The following PSD3 variants were observed in gnomAD, a reference collection of about 807,000 sequenced individuals.
The protein encoded by PSD3 is PH and SEC7 domain-containing protein 3.
PSD3 carries 49 observed loss-of-function variants against 105.5 expected under a neutral mutation model. That is an observed-to-expected ratio of 0.46 (90% confidence interval 0.37 to 0.59). The LOEUF (loss-of-function observed/expected upper bound fraction) is 0.59. Among genes scored for constraint, PSD3 ranks in the 20% least tolerant of loss-of-function variants. The probability of loss-of-function intolerance (pLI) is 0.00; values close to 1 mark genes in which losing one functional copy is unlikely to be tolerated. For synonymous variants in PSD3, 557 were observed against 457.8 expected, an observed-to-expected ratio of 1.22 and a Z score of -2.77; for missense variants, 1,561 against 1,263.8, an observed-to-expected ratio of 1.24 and a Z score of -3.57.
intron 4 of PSD3, among the ~76,000 whole-genome samples, chr8:18,825,854 C>T (rs757810716): frequency 1.3e-5 from 2 of 152,122 alleles, no homozygotes; most frequent in Admixed American, 6.5e-5. Flanking sequence ...CAAGTTCTTC[C>T]GTATTTCCCC....
chr8:18,830,532 C>T (rs1193514068), intron 4 of PSD3, among the ~76,000 whole-genome samples: 1 of 152,170 alleles, frequency 6.6e-6, no homozygotes, highest in Non-Finnish European at 1.5e-5. Flanking sequence ...AAAAGAACAA[C>T]AGAAATTATC....
At chr8:18,875,134 G>C (rs1817646780) in intron 2 of PSD3, among the ~76,000 whole-genome samples, 1 of 152,094 alleles carries the variant, frequency 6.6e-6, no homozygotes, top group Non-Finnish European at 1.5e-5. Flanking sequence ...GCCCAGGCTG[G>C]TTTCAAACTC....
intron 9 of PSD3, among the ~76,000 whole-genome samples, chr8:18,680,786 A>G (rs958007024): frequency 2.0e-5 from 3 of 152,242 alleles, no homozygotes; most frequent in African/African-American, 7.2e-5. Flanking sequence ...TATTCTTCAG[A>G]CGAGGTCAAT....
At chr8:19,039,243 T>G (rs1828044596) in intron 1 of PSD3, among the ~76,000 whole-genome samples, 1 of 152,196 alleles carries the variant, frequency 6.6e-6, no homozygotes, top group Non-Finnish European at 1.5e-5. Flanking sequence ...TTTCTTACTT[T>G]TTCCTGTTTG....
In PSD3 at chr8:18,677,809, A is replaced by G. The variant is rs200744534; in HGVS notation, c.2173-22124T>C. Among the ~76,000 whole-genome samples, 23 of 152,184 alleles carry G rather than the reference A, an allele frequency of 1.5e-4. No homozygotes were observed. The South Asian group carries it at 2.5e-3, about 16-fold the overall frequency. ...CCAGATCACGAGGTCAGGAGATCAAAACCATCCTGGCTAACACGGTGAAAC... is the reference window on the plus strand; with the variant it reads ...CCAGATCACGAGGTCAGGAGATCAAGACCATCCTGGCTAACACGGTGAAAC... On this transcript the variant is annotated intron_variant, in intron 9 of 15. Transcript: ENST00000327040.
intron 2 of PSD3, among the ~76,000 whole-genome samples, chr8:18,873,136 C>G (rs1474013557): frequency 6.6e-6 from 1 of 152,166 alleles, no homozygotes; most frequent in Non-Finnish European, 1.5e-5. Context: ...CTAAAGAGCC[C>G]TATGATCTAG....
intron 9 of PSD3, among the ~76,000 whole-genome samples, chr8:18,744,654 A>T (rs1804836426): frequency 6.6e-6 from 1 of 152,240 alleles, no homozygotes; most frequent in East Asian, 1.9e-4. Flanking sequence ...GAGTTCCTGT[A>T]AATCCTCCAC....
At chr8:18,815,345 G>A (rs1025225721) in intron 4 of PSD3, among the ~76,000 whole-genome samples, 3 of 152,086 alleles carry the variant, frequency 2.0e-5, no homozygotes, top group Non-Finnish European at 4.4e-5. Flanking sequence ...GTCTCGCTCT[G>A]TTGCCCAGGC....
At position 18,771,272 on chromosome 8, in the gene PSD3, G is replaced by A. The variant is rs182811891; in HGVS notation, c.2083-5734C>T. ...ACCGCATCAGGCTTTTCAGCTTGAG[G>A]GTGCAGCCCTCACTGGGGACCCATC... On this transcript the variant is annotated intron_variant, in intron 8 of 15. Transcript: ENST00000327040. 9.9e-5 allele frequency among the ~76,000 whole-genome samples: 15 copies of A among 151,778 alleles called. No homozygotes were observed. The East Asian group carries it at 2.9e-3, about 29-fold the overall frequency.
chr8:18,805,531 G>C (rs1811124439), intron 4 of PSD3, among the ~76,000 whole-genome samples: 1 of 152,152 alleles, frequency 6.6e-6, no homozygotes, highest in Admixed American at 6.5e-5. Context: ...AGTGAGACAA[G>C]TGGTAGTTTC....
intron 8 of PSD3, among the ~76,000 whole-genome samples, chr8:18,784,085 A>C (rs1448608796): frequency 2.0e-5 from 3 of 152,116 alleles, no homozygotes; most frequent in Admixed American, 6.6e-5. Flanking sequence ...GTATGTTTTC[A>C]ATCCCTTTTT....
At chr8:18,691,143 A>T (rs566272523) in intron 9 of PSD3, among the ~76,000 whole-genome samples, 2 of 151,966 alleles carry the variant, frequency 1.3e-5, no homozygotes, top group Non-Finnish European at 2.9e-5. Context: ...GGATGGGGGG[A>T]AAAATCTTTA....
intron 9 of PSD3, among the ~76,000 whole-genome samples, chr8:18,707,475 G>A (rs1281350540): frequency 1.3e-5 from 2 of 152,186 alleles, no homozygotes; most frequent in Non-Finnish European, 2.9e-5. Flanking sequence ...GGGATTTACA[G>A]TTGACAGCCC....
chr8:18,802,330 C>T, intron 6 of PSD3: 1 of 432,530 alleles, frequency 2.3e-6, no homozygotes. Flanking sequence ...ATGACCCTCA[C>T]TTGACAATGT....
chr8:18,836,473 T>C (rs547330457), intron 4 of PSD3, among the ~76,000 whole-genome samples: 5 of 152,314 alleles, frequency 3.3e-5, no homozygotes, highest in South Asian at 2.1e-4. Flanking sequence ...AATGCATATA[T>C]TAATACTAAA....
intron 4 of PSD3, among the ~76,000 whole-genome samples, chr8:18,822,245 G>C (rs1413472874): frequency 6.6e-6 from 1 of 152,142 alleles, no homozygotes; most frequent in East Asian, 1.9e-4. Flanking sequence ...GGAAGGTCTT[G>C]TACATGATAC....
At chr8:18,649,326 G>A (rs550828431) in intron 10 of PSD3, among the ~76,000 whole-genome samples, 1 of 152,302 alleles carries the variant, frequency 6.6e-6, no homozygotes, top group South Asian at 2.1e-4. Context: ...TATAAGAAAT[G>A]GAGTCAAAGC....
Position 18,611,846 on chromosome 8 carries a change from T to C in PSD3, c.2411-11412A>G, listed in dbSNP as rs565804677. On this transcript the variant is annotated intron_variant, in intron 11 of 15. Coordinates refer to ENST00000327040, the MANE Select transcript of PSD3 (RefSeq NM_015310.4). ...TCTGATTGTTTGTCTGATTATAGAT[T>C]AGCCTTTTTCCTTATCTACACTGTT... Among the ~76,000 whole-genome samples the C allele has an allele frequency of 5.4e-4, 82 of 152,148 alleles. No homozygotes were observed. The South Asian group carries it at 0.016, about 30-fold the overall frequency.
intron 4 of PSD3, among the ~76,000 whole-genome samples, chr8:18,843,479 A>G (rs561934284): frequency 4.4e-4 from 67 of 152,330 alleles, no homozygotes; most frequent in African/African-American, 1.5e-3. Context: ...ACGAAGTAAT[A>G]TAAGAGGTAT....
Sources: allele counts gnomAD v4.1 joint callset (sites outside exome capture counted in the v4.1 genomes callset), GRCh38; gene constraint gnomAD v4.1.1; transcripts MANE v1.5; gene names NCBI Gene and HGNC (gene_info 2026-07-23, HGNC 2026-07-21).